The following USH2A variants were observed in gnomAD, a reference collection of about 807,000 sequenced individuals.
The protein encoded by USH2A is Usher syndrome 2A (autosomal recessive, mild).
USH2A carries 443 observed loss-of-function variants against 538.9 expected under a neutral mutation model. The ratio of observed to expected loss-of-function variants is 0.82; its 90% CI spans 0.76 to 0.89. The LOEUF (loss-of-function observed/expected upper bound fraction) is 0.89, where lower values mean the gene tolerates loss of function less well. Ranked by LOEUF, USH2A falls within the 40% of genes least tolerant of loss-of-function variation. The pLI, the probability that USH2A is intolerant of heterozygous loss-of-function variation, is 0.00. For synonymous variants in USH2A, 2,413 were observed against 2,273.5 expected (o/e 1.06, Z -1.75); for missense variants, 6,633 against 6,324.8 (o/e 1.05, Z -1.65).
chr1:216,152,434 A>T (rs1237747938), intron 21 of USH2A, among the ~76,000 whole-genome samples: 2 of 135,538 alleles, frequency 1.5e-5, no homozygotes, highest in Non-Finnish European at 3.2e-5. Flanking sequence ...CTCAAAAATC[A>T]CCCCCACTGA....
In USH2A at chr1:215,675,330, C is replaced by T. The variant is rs955434291; in HGVS notation, c.12581G>A (p.Cys4194Tyr). 4 of 1,614,026 alleles carry T rather than the reference C, an allele frequency of 2.5e-6. No individual in the cohort carries two copies. The highest frequency in any genetic ancestry group is 2.7e-5 in the African/African-American group (2 of 74,922). ...ATTTCCCCAAGCTTTTCCCTCGAAG[C>T]ATCTGCGAATCACTTCATAGCGAAT... is the stretch of plus-strand genomic sequence containing the variant. ...KIIRYEVIRRCFEGKAWGNQT... is the reference protein window; with the variant it reads ...KIIRYEVIRRYFEGKAWGNQT... Residue 4194 changes from cysteine (C) to tyrosine (Y), a missense_variant, in exon 63 of 72, where the codon TGC becomes TAC. Coordinates refer to ENST00000307340, the MANE Select transcript of USH2A (RefSeq NM_206933.4).
At chr1:216,345,597 A>G (rs1034130823) in intron 4 of USH2A, among the ~76,000 whole-genome samples, 2 of 152,124 alleles carry the variant, frequency 1.3e-5, no homozygotes, top group African/African-American at 4.8e-5. Flanking sequence ...TAAAGTTCTG[A>G]TTAATGTGAA....
At chr1:216,058,685 A>G (rs974866669) in intron 30 of USH2A, among the ~76,000 whole-genome samples, 3 of 152,182 alleles carry the variant, frequency 2.0e-5, no homozygotes, top group Non-Finnish European at 4.4e-5. Context: ...AGCTCTGTGC[A>G]TTCTTCTATA....
intron 57 of USH2A, 29 bp from the exon 58 acceptor site, chr1:215,758,781 G>T: frequency 6.2e-7 from 1 of 1,607,128 alleles, no homozygotes. Flanking sequence ...AAGAATTGTG[G>T]TAAGGCCATG....
intron 61 of USH2A, among the ~76,000 whole-genome samples, chr1:215,702,160 G>T (rs1005071683): frequency 6.6e-6 from 1 of 152,182 alleles, no homozygotes; most frequent in African/African-American, 2.4e-5. Context: ...ACTCTCTTCT[G>T]GTTTGTAGGT....
intron 21 of USH2A, among the ~76,000 whole-genome samples, chr1:216,168,155 A>G (rs1216958796): frequency 1.3e-5 from 2 of 152,178 alleles, no homozygotes; most frequent in Non-Finnish European, 2.9e-5. Context: ...TTTCACTACC[A>G]TTGCTGACCA....
intron 47 of USH2A, among the ~76,000 whole-genome samples, chr1:215,820,416 C>A (rs1255472999): frequency 6.6e-6 from 1 of 151,598 alleles, no homozygotes; most frequent in Non-Finnish European, 1.5e-5. Context: ...AGGTGGATTA[C>A]AATCTTGGGG....
chr1:215,973,089 T>TC (rs1267796360), intron 35 of USH2A, among the ~76,000 whole-genome samples: 4 of 152,166 alleles, frequency 2.6e-5, no homozygotes, highest in Non-Finnish European at 1.5e-5. Flanking sequence ...AAATCTTATG[T>TC]ACAAATAGTG....
At chr1:215,951,818 TTG>T (rs1666923908) in intron 37 of USH2A, among the ~76,000 whole-genome samples, 1 of 152,198 alleles carries the variant, frequency 6.6e-6, no homozygotes, top group South Asian at 2.1e-4. Flanking sequence ...ATGGCCTTCT[TTG>T]TCTCTTTTGA....
chr1:215,955,668 G>A (rs1464823805), intron 37 of USH2A, among the ~76,000 whole-genome samples: 6 of 151,962 alleles, frequency 3.9e-5, no homozygotes, highest in African/African-American at 1.5e-4. Context: ...TTCTCTAAAA[G>A]CCATATACTT....
At chr1:215,675,668 T>C in intron 62 of USH2A, 52 bp from the exon 63 acceptor site, 1 of 1,613,434 alleles carries the variant, frequency 6.2e-7, no homozygotes. Context: ...AATTTCTTTG[T>C]GTAGTTACTT....
At chr1:215,726,310 A>T (rs2820717) in intron 61 of USH2A, among the ~76,000 whole-genome samples, 1 of 152,078 alleles carries the variant, frequency 6.6e-6, no homozygotes, top group African/African-American at 2.4e-5. Flanking sequence ...ACTAGAAGAC[A>T]TAATATAAAA....
intron 9 of USH2A, among the ~76,000 whole-genome samples, chr1:216,317,430 A>G (rs1190635369): frequency 1.3e-5 from 2 of 152,026 alleles, no homozygotes; most frequent in African/African-American, 4.8e-5. Flanking sequence ...CATCAGGAGG[A>G]ATAGCTAATG....
chr1:215,844,031 A>G (rs935941394), intron 46 of USH2A, among the ~76,000 whole-genome samples: 12 of 152,166 alleles, frequency 7.9e-5, no homozygotes, highest in Non-Finnish European at 1.8e-4. Context: ...AGAATACATG[A>G]TTAGCTTTAT....
At chr1:216,405,395 C>T (rs531034071) in intron 3 of USH2A, among the ~76,000 whole-genome samples, 14 of 151,904 alleles carry the variant, frequency 9.2e-5, no homozygotes, top group Admixed American at 8.5e-4. Context: ...GAGACATCAC[C>T]GAATTGGACA....
intron 20 of USH2A, among the ~76,000 whole-genome samples, chr1:216,180,035 GACA>G (rs1328042403): frequency 6.6e-6 from 1 of 151,954 alleles, no homozygotes; most frequent in East Asian, 1.9e-4. Flanking sequence ...GACATACATT[GACA>G]ACAATTGCTT....
chr1:215,786,994 A>G, intron 51 of USH2A, 120 bp from the exon 52 acceptor site: 1 of 886,876 alleles, frequency 1.1e-6, no homozygotes, highest in Non-Finnish European at 1.7e-6. Flanking sequence ...TGATGAATGA[A>G]TATTTCAAAA....
intron 13 of USH2A, among the ~76,000 whole-genome samples, chr1:216,242,840 A>G (rs950894466): frequency 1.3e-5 from 2 of 152,178 alleles, no homozygotes; most frequent in African/African-American, 4.8e-5. Context: ...AATCATCACT[A>G]TTTAAATTCA....
intron 35 of USH2A, among the ~76,000 whole-genome samples, chr1:215,972,481 C>A (rs1217148798): frequency 6.6e-6 from 1 of 152,166 alleles, no homozygotes; most frequent in Middle Eastern, 3.2e-3. Flanking sequence ...TGCCACCTTT[C>A]CCTTTTGTTC....
Sources: allele counts gnomAD v4.1 joint callset (sites outside exome capture counted in the v4.1 genomes callset), GRCh38; gene constraint gnomAD v4.1.1; transcripts MANE v1.5; gene names NCBI Gene and HGNC (gene_info 2026-07-23, HGNC 2026-07-21).